Variants in PTOV1 observed in about 807,000 individuals in gnomAD.
The protein encoded by PTOV1 is PTOV1 extended AT-hook containing adaptor protein.
In PTOV1, 20 loss-of-function variants were observed where a neutral mutation model predicts 58.0. The ratio of observed to expected loss-of-function variants is 0.34; its 90% CI spans 0.24 to 0.50. The LOEUF is 0.50. Ranked by LOEUF, PTOV1 falls within the 20% of genes least tolerant of loss-of-function variation. The pLI, the probability that PTOV1 is intolerant of heterozygous loss-of-function variation, is 0.98. For missense variants in PTOV1, 593 were observed against 565.4 expected, an observed-to-expected ratio of 1.05 and a Z score of -0.50; for synonymous variants, 335 against 234.2, an observed-to-expected ratio of 1.43 and a Z score of -3.93.
At position 49,854,865 on chromosome 19, in the gene PTOV1, C is replaced by T; in HGVS notation, c.427C>T (p.Gln143Ter). Residue 143 changes from glutamine to a stop codon, truncating the protein, a stop_gained, in exon 4 of 12, where the codon CAG becomes TAG. Transcript: ENST00000391842. LOFTEE classifies it high-confidence loss of function. Reference sequence around the variant, plus strand: ...CCAGTGGCCGCAGAAGCTGATCATGCAGCTGATCCCTCAGCAGCTGCTGGT... The same window carrying T: ...CCAGTGGCCGCAGAAGCTGATCATGTAGCTGATCCCTCAGCAGCTGCTGGT... 1 of 1,613,368 alleles carries T rather than the reference C, an allele frequency of 6.2e-7. No homozygotes were observed. The highest frequency in any genetic ancestry group is 8.5e-7 in the Non-Finnish European group (1 of 1,179,972).
Position 49,858,667 on chromosome 19 carries a change from G to A in PTOV1, c.1041+14G>A, listed in dbSNP as rs757430868. The A allele has an allele frequency of 3.9e-5, 61 of 1,576,792 alleles. No homozygotes were observed. Among genetic ancestry groups the A allele is most frequent in the Non-Finnish European group, 4.6e-5 (53 of 1,159,640 alleles). ...GACAATGGCTTCGTGAGTGGTGCCA[G>A]CAGACGCAGGGGAGGGGCCGGCCAG... is the stretch of plus-strand genomic sequence containing the variant. On this transcript the variant is annotated intron_variant, in intron 10 of 11. Transcript: ENST00000391842.
chr19:49,860,552 G>A (rs2074713012), exon 12 of PTOV1: 1 of 585,220 alleles, frequency 1.7e-6, no homozygotes, highest in Non-Finnish European at 3.0e-6. Flanking sequence ...CTGCTCACAG[G>A]GATGTGGGGT....
chr19:49,850,735 A>T, upstream of PTOV1: 1 of 944,272 alleles, frequency 1.1e-6, no homozygotes, highest in Non-Finnish European at 1.5e-6. Context: ...GCAAACCTTC[A>T]GCTGTCTCAG....
exon 12 of PTOV1, chr19:49,860,381 T>TGG (rs577978306): frequency 1.7e-4 from 55 of 321,032 alleles, no homozygotes; most frequent in African/African-American, 6.1e-4. Context: ...CTGGGGCATG[T>TGG]GGGGGGGGTG....
intron 1 of PTOV1, chr19:49,852,516 T>C (rs912808839): frequency 6.6e-6 from 1 of 152,230 alleles, no homozygotes; most frequent in African/African-American, 2.4e-5. Flanking sequence ...GCGCGCAGTT[T>C]TGCACACGAT....
intron 1 of PTOV1, chr19:49,853,291 G>C (rs572733153): frequency 1.3e-5 from 2 of 152,182 alleles, no homozygotes; most frequent in African/African-American, 4.8e-5. Context: ...GGAAACTCTC[G>C]TGGGTTTCCT....
intron 5 of PTOV1, among the ~76,000 whole-genome samples, chr19:49,855,886 G>T (rs886711556): frequency 6.6e-6 from 1 of 152,098 alleles, no homozygotes; most frequent in African/African-American, 2.4e-5. Context: ...AGATTCTGGC[G>T]CAGGGCAGGT....
chr19:49,850,795 T>C (rs1461561909), upstream of PTOV1: 3 of 1,485,748 alleles, frequency 2.0e-6, no homozygotes, highest in Admixed American at 2.0e-5. Context: ...GTGGGTTCCT[T>C]TGTCCCCAGG....
At chr19:49,854,912 A>G (rs759059229) in intron 4 of PTOV1, 24 bp downstream of exon 4, 4 of 1,266,078 alleles carry the variant, frequency 3.2e-6, no homozygotes, top group Non-Finnish European at 4.2e-6. Flanking sequence ...CTCCCACCCC[A>G]TCCACTCTGA....
At chr19:49,856,835 C>G in intron 5 of PTOV1, 140 bp from the exon 6 acceptor site, 1 of 1,026,812 alleles carries the variant, frequency 9.7e-7, no homozygotes, top group East Asian at 2.6e-5. Context: ...GGCCCCTCAC[C>G]TATGGCCATG....
intron 9 of PTOV1, 105 bp from the exon 10 acceptor site, chr19:49,858,444 A>G (rs2074579976): frequency 3.5e-6 from 3 of 864,948 alleles, no homozygotes; most frequent in Non-Finnish European, 5.5e-6. Flanking sequence ...TAGGGAGGAC[A>G]GGGGAGTCTC....
exon 12 of PTOV1, chr19:49,860,367 G>C: frequency 1.9e-6 from 1 of 535,124 alleles, no homozygotes; most frequent in Non-Finnish European, 3.4e-6. Flanking sequence ...GTACAGGAGG[G>C]ACCCTGGGGC....
intron 1 of PTOV1, chr19:49,851,858 A>G (rs1194173255): frequency 1.0e-6 from 1 of 989,038 alleles, no homozygotes; most frequent in Non-Finnish European, 1.2e-6. Context: ...GGAAACCTGG[A>G]AATGGGGGCG....
chr19:49,860,533 GC>G, exon 12 of PTOV1: 11 of 610,626 alleles, frequency 1.8e-5, no homozygotes, highest in Non-Finnish European at 3.1e-5. Context: ...CCTGGGTGGG[GC>G]CAGGCCTCTG....
chr19:49,857,553 C>T, intron 6 of PTOV1, 140 bp from the exon 7 acceptor site: 1 of 783,722 alleles, frequency 1.3e-6, no homozygotes, highest in Non-Finnish European at 2.1e-6. Flanking sequence ...GGGGCAGGGC[C>T]TGTTCCCCTG....
At chr19:49,857,630 G>GGACA (rs897884615) in intron 6 of PTOV1, 63 bp from the exon 7 acceptor site, 1 of 1,490,542 alleles carries the variant, frequency 6.7e-7, no homozygotes, top group Non-Finnish European at 9.3e-7. Flanking sequence ...GCAGGCCCCA[G>GGACA]GACAGACAGA....
At chr19:49,857,359 G>A in intron 6 of PTOV1, 1 of 647,496 alleles carries the variant, frequency 1.5e-6, no homozygotes. Context: ...CGGCAGGGAA[G>A]CCAGCGGAGC....
intron 1 of PTOV1, 113 bp from the exon 2 acceptor site, chr19:49,854,293 C>T: frequency 2.8e-6 from 4 of 1,421,008 alleles, no homozygotes; most frequent in African/African-American, 1.4e-5. Context: ...CGTGGGCTTC[C>T]AGCAGGGGAT....
At chr19:49,855,133 C>A in intron 5 of PTOV1, 56 bp downstream of exon 5, 1 of 1,481,352 alleles carries the variant, frequency 6.8e-7, no homozygotes, top group Non-Finnish European at 9.2e-7. Flanking sequence ...CTGGAGGCAG[C>A]GCTCTGCTCA....
Sources: gnomAD v4.1 joint callset for allele counts (sites outside exome capture counted in the v4.1 genomes callset) on GRCh38, gnomAD v4.1.1 for gene constraint, MANE v1.5 for transcripts, NCBI Gene and HGNC (gene_info 2026-07-23, HGNC 2026-07-21) for gene names.